The following TBL1XR1 variants were observed in gnomAD, a reference collection of about 807,000 sequenced individuals.
TBL1XR1 encodes the protein TBL1X/Y related 1, also known as F-box-like/WD repeat-containing protein TBL1XR1.
Under a neutral mutation model 66.9 loss-of-function variants are expected in TBL1XR1, and 5 were observed. The ratio of observed to expected loss-of-function variants is 0.07; its 90% CI spans 0.04 to 0.16. The LOEUF (loss-of-function observed/expected upper bound fraction) is 0.16. Ranked by LOEUF, TBL1XR1 falls within the 10% of genes least tolerant of loss-of-function variation. The pLI is 1.00. For synonymous variants in TBL1XR1, 210 were observed against 206.0 expected (o/e 1.02, Z -0.17); for missense variants, 238 against 623.2 (o/e 0.38, Z 6.58).
chr3:177,057,492 A>G lies in TBL1XR1; in HGVS notation c.59-3574T>C, dbSNP rs568163626. Among the ~76,000 whole-genome samples the G allele has an allele frequency of 3.3e-5, 5 of 152,348 alleles. No homozygotes were observed. The South Asian group carries it at 1.0e-3, about 32-fold the overall frequency. Reference sequence around the variant, plus strand: ...ATTTTTTAAATTAGAATGCAATTATACTATAATGTATTTTGGCACATCAAA... The same window carrying G: ...ATTTTTTAAATTAGAATGCAATTATGCTATAATGTATTTTGGCACATCAAA... On this transcript the variant is annotated intron_variant, in intron 3 of 15. Transcript: ENST00000457928.
At chr3:177,196,727 T>C (rs1199504825) in intron 1 of TBL1XR1, among the ~76,000 whole-genome samples, 2 of 103,140 alleles carry the variant, frequency 1.9e-5, no homozygotes, top group Non-Finnish European at 4.3e-5. Context: ...AATCCTTTCC[T>C]GAAAGCCTCC....
chr3:177,162,846 A>G (rs181919073), intron 1 of TBL1XR1, among the ~76,000 whole-genome samples: 1 of 152,332 alleles, frequency 6.6e-6, no homozygotes, highest in East Asian at 1.9e-4. Context: ...AGAAATCAGA[A>G]AGACACTAAA....
At chr3:177,049,632 T>C (rs193272306) in intron 7 of TBL1XR1, among the ~76,000 whole-genome samples, 4 of 152,344 alleles carry the variant, frequency 2.6e-5, no homozygotes, top group South Asian at 2.1e-4. Context: ...TCGGTTGTTA[T>C]AGATTTAGTA....
At chr3:177,109,394 G>A (rs1044190134) in intron 1 of TBL1XR1, among the ~76,000 whole-genome samples, 1 of 152,046 alleles carries the variant, frequency 6.6e-6, no homozygotes, top group Non-Finnish European at 1.5e-5. Context: ...TAAAGCCTAT[G>A]TTTACCTCCA....
At chr3:177,074,284 T>C (rs1330852408) in intron 2 of TBL1XR1, among the ~76,000 whole-genome samples, 1 of 152,202 alleles carries the variant, frequency 6.6e-6, no homozygotes. Flanking sequence ...GAAACTAGTC[T>C]ACACTCACAC....
Position 177,051,568 on chromosome 3 carries a change from T to C in TBL1XR1, c.363A>G (p.Gln121=). 1 of 1,613,754 alleles carries C rather than the reference T, an allele frequency of 6.2e-7. No homozygotes were observed. The highest frequency in any genetic ancestry group is 1.1e-5 in the South Asian group (1 of 91,068). Reference sequence around the variant, plus strand: ...TGTTTTCTCCATTTTTTGCAGATCCTTGTTGGCTGGCTGCAGCTGCGGCAG... The same window carrying C: ...TGTTTTCTCCATTTTTTGCAGATCCCTGTTGGCTGGCTGCAGCTGCGGCAG... The part of the protein sequence containing the change: ...AAAAAAAASQ[Q]GSAKNGENTA... The change falls in exon 5 of 16, where the codon CAA becomes CAG. Residue 121 remains glutamine (Q), a synonymous_variant. Coordinates refer to ENST00000457928, the MANE Select transcript of TBL1XR1 (RefSeq NM_024665.7).
At chr3:177,130,903 T>C (rs1037029390) in intron 1 of TBL1XR1, among the ~76,000 whole-genome samples, 3 of 152,154 alleles carry the variant, frequency 2.0e-5, no homozygotes, top group African/African-American at 7.2e-5. Flanking sequence ...CTTGCACCTA[T>C]AGTCCCAGCT....
At chr3:177,146,243 C>CT (rs1433964554) in intron 1 of TBL1XR1, among the ~76,000 whole-genome samples, 3 of 152,034 alleles carry the variant, frequency 2.0e-5, no homozygotes, top group Non-Finnish European at 2.9e-5. Flanking sequence ...TACATCTTCA[C>CT]TATACTGCCT....
At chr3:177,078,452 G>A (rs1442570100) in intron 2 of TBL1XR1, among the ~76,000 whole-genome samples, 1 of 151,856 alleles carries the variant, frequency 6.6e-6, no homozygotes, top group Non-Finnish European at 1.5e-5. Context: ...AGGTATGGTG[G>A]CATGAACCTG....
chr3:177,150,558 A>G (rs2108850773), intron 1 of TBL1XR1, among the ~76,000 whole-genome samples: 1 of 152,310 alleles, frequency 6.6e-6, no homozygotes, highest in South Asian at 2.1e-4. Flanking sequence ...ACAAAATACG[A>G]TGTCTCTTTG....
chr3:177,047,641 A>G (rs530523406), intron 7 of TBL1XR1, 92 bp from the exon 8 acceptor site: 1 of 1,378,590 alleles, frequency 7.3e-7, no homozygotes, highest in African/African-American at 1.4e-5. Context: ...CAGGTACAGA[A>G]GAGAATGAAG....
At chr3:177,032,075 T>C (rs1714086121) in intron 14 of TBL1XR1, among the ~76,000 whole-genome samples, 1 of 152,200 alleles carries the variant, frequency 6.6e-6, no homozygotes, top group African/African-American at 2.4e-5. Context: ...CACTAATGGA[T>C]TGAACTGTGC....
intron 1 of TBL1XR1, among the ~76,000 whole-genome samples, chr3:177,139,322 G>A (rs1008228719): frequency 6.6e-6 from 1 of 152,216 alleles, no homozygotes; most frequent in Admixed American, 6.5e-5. Context: ...AGAAGTTCGA[G>A]ACCAGCCTGG....
At chr3:177,197,017 G>A in intron 1 of TBL1XR1, 104 bp downstream of exon 1, 1 of 149,830 alleles carries the variant, frequency 6.7e-6, no homozygotes, top group Non-Finnish European at 1.5e-5. Flanking sequence ...TGTTCCACTC[G>A]CGCCCATCCC....
At chr3:177,082,559 C>T (rs1461363913) in intron 2 of TBL1XR1, among the ~76,000 whole-genome samples, 1 of 150,800 alleles carries the variant, frequency 6.6e-6, no homozygotes, top group East Asian at 1.9e-4. Context: ...TTAAGAGAGG[C>T]CAGAAAATGA....
chr3:177,088,723 A>G (rs1722463692), intron 2 of TBL1XR1, among the ~76,000 whole-genome samples: 1 of 150,800 alleles, frequency 6.6e-6, no homozygotes, highest in Non-Finnish European at 1.5e-5. Context: ...AAAAAAAAAA[A>G]AGAAAAGAAA....
intron 1 of TBL1XR1, among the ~76,000 whole-genome samples, chr3:177,154,636 C>A (rs1363203617): frequency 1.3e-5 from 2 of 152,110 alleles, no homozygotes. Flanking sequence ...ACTTCATGAT[C>A]TGCCCGCCTC....
intron 1 of TBL1XR1, among the ~76,000 whole-genome samples, chr3:177,163,638 TGTAAA>T (rs1340023689): frequency 6.6e-6 from 1 of 152,070 alleles, no homozygotes; most frequent in African/African-American, 2.4e-5. Context: ...GGGGAGAGGG[TGTAAA>T]GTATACACTT....
intron 1 of TBL1XR1, among the ~76,000 whole-genome samples, chr3:177,177,911 G>A (rs974983321): frequency 2.0e-5 from 3 of 152,140 alleles, no homozygotes; most frequent in African/African-American, 7.2e-5. Context: ...ACTTCAGAGA[G>A]ACAAAACTGC....
Sources: allele counts gnomAD v4.1 joint callset (sites outside exome capture counted in the v4.1 genomes callset), GRCh38; gene constraint gnomAD v4.1.1; transcripts MANE v1.5; gene names NCBI Gene and HGNC (gene_info 2026-07-23, HGNC 2026-07-21).